The following FERRY3 variants were observed in gnomAD, a reference collection of about 807,000 sequenced individuals.
FERRY3 encodes the protein protein C12orf4.
chr12:4,525,589 A>G, the FERRY3 span: 1 of 1,585,012 alleles, frequency 6.3e-7, no homozygotes, highest in Non-Finnish European at 8.6e-7. Flanking sequence ...CTTGTCTAAA[A>G]CACAAATAAA....
At chr12:4,523,519 T>C in the FERRY3 span, among the ~76,000 whole-genome samples, 2 of 152,236 alleles carry the variant, frequency 1.3e-5, no homozygotes, top group African/African-American at 2.4e-5. Context: ...TGTACGTTTA[T>C]TGCGGCACTA....
At chr12:4,508,786 A>C in the FERRY3 span, 2 of 152,178 alleles carry the variant, frequency 1.3e-5, no homozygotes, top group Non-Finnish European at 2.9e-5. Context: ...GTATGCATTC[A>C]AGCCAGACAA....
At chr12:4,505,100 G>A in the FERRY3 span, among the ~76,000 whole-genome samples, 17 of 152,284 alleles carry the variant, frequency 1.1e-4, no homozygotes, top group East Asian at 3.9e-4. Flanking sequence ...ACGAGGCTTC[G>A]TCTCAAAACA....
At chr12:4,536,245 G>A in the FERRY3 span, 1 of 1,264,990 alleles carries the variant, frequency 7.9e-7, no homozygotes, top group Non-Finnish European at 1.1e-6. Flanking sequence ...TAGGTTATAA[G>A]TCCATAAAGA....
chr12:4,490,595 A>C, the FERRY3 span: 2 of 1,609,018 alleles, frequency 1.2e-6, no homozygotes, highest in Non-Finnish European at 1.7e-6. Flanking sequence ...GAAACCTAAA[A>C]TAGAAAAACA....
chr12:4,529,738 A>C, the FERRY3 span: 2 of 746,984 alleles, frequency 2.7e-6, no homozygotes, highest in Non-Finnish European at 4.1e-6. Flanking sequence ...CATACAAGAA[A>C]ATTAATTTCT....
chr12:4,520,366 C>A, the FERRY3 span, among the ~76,000 whole-genome samples: 1 of 152,196 alleles, frequency 6.6e-6, no homozygotes, highest in Admixed American at 6.5e-5. Context: ...AAGAGTTGAA[C>A]AAAGTGACCT....
At chr12:4,535,583 A>C in the FERRY3 span, among the ~76,000 whole-genome samples, 1 of 152,212 alleles carries the variant, frequency 6.6e-6, no homozygotes, top group Non-Finnish European at 1.5e-5. The surrounding 1 kb of genome is among the most constrained non-coding windows in gnomAD (Gnocchi z 4.0). Flanking sequence ...TAACTTTATA[A>C]AACTAATTTA....
the FERRY3 span, chr12:4,518,700 T>TA: frequency 1.1e-6 from 1 of 929,310 alleles, no homozygotes; most frequent in South Asian, 1.8e-5. Flanking sequence ...TCTATTATTT[T>TA]AAAAAAATAA....
chr12:4,489,787 G>C, the FERRY3 span: 2 of 1,522,036 alleles, frequency 1.3e-6, no homozygotes, highest in Admixed American at 1.8e-5. Flanking sequence ...TCTTCTGCCA[G>C]CATGTCAATC....
At chr12:4,525,460 T>A in the FERRY3 span, 1 of 1,605,282 alleles carries the variant, frequency 6.2e-7, no homozygotes. Context: ...ACTGCATACC[T>A]AAAAGTCACT....
the FERRY3 span, among the ~76,000 whole-genome samples, chr12:4,515,468 A>T: frequency 6.6e-6 from 1 of 152,248 alleles, no homozygotes; most frequent in Non-Finnish European, 1.5e-5. Context: ...TTCAGCCTTA[A>T]ACAAGAAAAT....
At chr12:4,489,198 G>C in the FERRY3 span, 1 of 152,730 alleles carries the variant, frequency 6.5e-6, no homozygotes, top group African/African-American at 2.4e-5. Flanking sequence ...GGGAGGATGA[G>C]AGAGAGGGAA....
the FERRY3 span, among the ~76,000 whole-genome samples, chr12:4,505,679 A>G: frequency 6.6e-6 from 1 of 152,252 alleles, no homozygotes; most frequent in African/African-American, 2.4e-5. Context: ...CCAGGTCTTT[A>G]ATTCACATAC....
the FERRY3 span, among the ~76,000 whole-genome samples, chr12:4,535,186 C>T: frequency 3.3e-5 from 5 of 152,188 alleles, no homozygotes; most frequent in Non-Finnish European, 7.3e-5. This position sits in a 1 kb window ranked among gnomAD's most constrained non-coding sequence, Gnocchi z 4.0. Context: ...CTATTATTAT[C>T]ACTATGTTCG....
chr12:4,537,579 A>C, the FERRY3 span, among the ~76,000 whole-genome samples: 1 of 152,188 alleles, frequency 6.6e-6, no homozygotes, highest in African/African-American at 2.4e-5. Flanking sequence ...CTGAAATATA[A>C]AAAAAACTCA....
chr12:4,500,153 T>G, the FERRY3 span: 1 of 1,613,514 alleles, frequency 6.2e-7, no homozygotes, highest in Non-Finnish European at 8.5e-7. Flanking sequence ...ACATATCATG[T>G]ACCAGCAAGA....
At chr12:4,502,736 C>T in the FERRY3 span, among the ~76,000 whole-genome samples, 7 of 152,246 alleles carry the variant, frequency 4.6e-5, no homozygotes, top group East Asian at 7.7e-4. This position sits in a 1 kb window ranked among gnomAD's most constrained non-coding sequence, Gnocchi z 4.2. Context: ...TTCTAGTTGC[C>T]GCTGTGCATC....
the FERRY3 span, among the ~76,000 whole-genome samples, chr12:4,507,831 A>G: frequency 6.6e-6 from 1 of 152,170 alleles, no homozygotes; most frequent in Non-Finnish European, 1.5e-5. Flanking sequence ...CATTTATGTA[A>G]AAAAGGAAAA....
Sources: gnomAD v4.1 joint callset for allele counts (sites outside exome capture counted in the v4.1 genomes callset) on GRCh38, gnomAD v4.1.1 for gene constraint, Gnocchi (gnomAD v3.1) non-coding constraint, MANE v1.5 for transcripts, NCBI Gene and HGNC (gene_info 2026-07-23, HGNC 2026-07-21) for gene names.